OTOGL: variants seen among roughly 807,000 people sequenced by gnomAD.
The protein encoded by OTOGL is otogelin-like protein.
A neutral mutation model predicts 318.5 loss-of-function variants in OTOGL; 285 were observed. The observed-to-expected ratio is 0.89, with a 90% CI of 0.81 to 0.99. The LOEUF (loss-of-function observed/expected upper bound fraction) is 0.99, where lower values mean the gene tolerates loss of function less well. Ranked by LOEUF, OTOGL falls within the 50% of genes least tolerant of loss-of-function variation. The pLI is 0.00. For synonymous variants in OTOGL, 987 were observed against 936.5 expected (o/e 1.05, Z -0.99); for missense variants, 2,899 against 2,845.6 (o/e 1.02, Z -0.43).
intron 53 of OTOGL, 63 bp downstream of exon 53, chr12:80,366,700 T>A: frequency 1.6e-6 from 1 of 615,844 alleles, no homozygotes; most frequent in Non-Finnish European, 2.4e-6. Context: ...GTTTTTTCAC[T>A]ATTAATAAGT....
intron 8 of OTOGL, among the ~76,000 whole-genome samples, chr12:80,229,757 G>A (rs557226278): frequency 6.6e-6 from 1 of 151,836 alleles, no homozygotes; most frequent in Non-Finnish European, 1.5e-5. Flanking sequence ...CTTTGAAGCA[G>A]AAACTTAAAA....
chr12:80,124,362 A>C (rs182208614), intron 1 of OTOGL, among the ~76,000 whole-genome samples: 156 of 152,250 alleles, frequency 1.0e-3, no homozygotes, highest in African/African-American at 3.4e-3. Context: ...ATGCGGTATT[A>C]ATTCTGAGGG....
At chr12:80,188,410 C>CAT (rs1565893072) in intron 1 of OTOGL, among the ~76,000 whole-genome samples, 2 of 151,572 alleles carry the variant, frequency 1.3e-5, no homozygotes, top group African/African-American at 4.8e-5. Flanking sequence ...TGGTGGCATG[C>CAT]GCCTGTAATC....
intron 26 of OTOGL, among the ~76,000 whole-genome samples, chr12:80,296,005 G>A: frequency 6.6e-6 from 1 of 152,130 alleles, no homozygotes; most frequent in East Asian, 1.9e-4. Flanking sequence ...GATGCAGTGG[G>A]GAGTTGCCAA....
Position 80,372,040 on chromosome 12 carries a change from T to C in OTOGL, c.6757T>C (p.Tyr2253His). The C allele has an allele frequency of 6.4e-7, 1 of 1,557,376 alleles. No individual in the cohort carries two copies. Among genetic ancestry groups the C allele is most frequent in the Non-Finnish European group, 8.7e-7 (1 of 1,150,178 alleles). The change falls in exon 57 of 59, where the codon TAT becomes CAT. Residue 2253 changes from tyrosine to histidine, a missense_variant. Physicochemically the swap from Tyr to His is moderately conservative, Grantham distance 83. This residue lies in a region of OTOGL where 289 missense variants were observed against 304.6 expected (regional missense o/e 0.95). Transcript: ENST00000547103. The part of the protein sequence containing the change: ...CKMNEGIVKL[Y>H]NEGCCKICKR... Reference sequence around the variant, plus strand: ...CTAGAATGAAGGGATTGTGAAGCTTTATAATGAAGGCTGTTGCAAGATCTG... The same window carrying C: ...CTAGAATGAAGGGATTGTGAAGCTTCATAATGAAGGCTGTTGCAAGATCTG...
intron 11 of OTOGL, among the ~76,000 whole-genome samples, chr12:80,240,596 A>G (rs1880289868): frequency 6.6e-6 from 1 of 151,930 alleles, no homozygotes; most frequent in Admixed American, 6.5e-5. Flanking sequence ...AAATATAAAA[A>G]TATGAAAAAA....
chr12:80,178,601 C>T (rs1449710512), intron 1 of OTOGL, among the ~76,000 whole-genome samples: 1 of 152,170 alleles, frequency 6.6e-6, no homozygotes, highest in African/African-American at 2.4e-5. Context: ...TGCTCTCTCC[C>T]TACACAAGCA....
intron 1 of OTOGL, among the ~76,000 whole-genome samples, chr12:80,176,735 CATTT>C (rs1012572542): frequency 8.5e-5 from 13 of 152,074 alleles, no homozygotes; most frequent in African/African-American, 3.1e-4. Context: ...TAGATGCTTT[CATTT>C]CTCTTGGGTA....
At chr12:80,171,108 C>CGA (rs1281309984) in intron 1 of OTOGL, among the ~76,000 whole-genome samples, 2 of 152,110 alleles carry the variant, frequency 1.3e-5, no homozygotes, top group Admixed American at 1.3e-4. Context: ...AGAATCTCAT[C>CGA]CTGTTGCCCA....
At chr12:80,246,264 G>A (rs1880874207) in intron 11 of OTOGL, among the ~76,000 whole-genome samples, 1 of 149,222 alleles carries the variant, frequency 6.7e-6, no homozygotes, top group Admixed American at 6.6e-5. Context: ...AATGCTTCCA[G>A]TTCTTGCCCA....
At chr12:80,259,385 ATT>A (rs1882336257) in intron 18 of OTOGL, among the ~76,000 whole-genome samples, 1 of 151,732 alleles carries the variant, frequency 6.6e-6, no homozygotes, top group Non-Finnish European at 1.5e-5. Flanking sequence ...TTTATTTTAT[ATT>A]AAGTTCTAGG....
intron 30 of OTOGL, among the ~76,000 whole-genome samples, 190 bp downstream of exon 30, chr12:80,310,917 C>T (rs548011685): frequency 1.3e-5 from 2 of 152,226 alleles, no homozygotes; most frequent in South Asian, 2.1e-4. Context: ...TTACTTTCTC[C>T]CTTACTACAT....
chr12:80,313,588 G>T lies in OTOGL; in HGVS notation c.3563G>T (p.Cys1188Phe), dbSNP rs1214655003. The T allele has an allele frequency of 1.2e-6, 2 of 1,612,510 alleles. No individual in the cohort carries two copies. Among genetic ancestry groups the T allele is most frequent in the Non-Finnish European group, 1.7e-6 (2 of 1,179,122 alleles). The change falls in exon 31 of 59, where the codon TGT becomes TTT. Residue 1188 changes from cysteine to phenylalanine, a missense_variant. By Grantham distance (205) the Cys-to-Phe change is radical. Coordinates refer to ENST00000547103, the MANE Select transcript of OTOGL (RefSeq NM_001378609.3). ...ATAGCTGCATATGCATACAAGTGTT[G>T]TCAGGAAGGAATATCAATTCATTGG... ...TSIAAYAYKC[C>F]QEGISIHWRS... is the part of the protein sequence containing the mutation.
Position 80,358,898 on chromosome 12 carries a change from G to T in OTOGL, c.6265G>T (p.Val2089Leu), listed in dbSNP as rs754980634. The T allele has an allele frequency of 6.7e-7, 1 of 1,492,480 alleles. No homozygotes were observed. The highest frequency in any genetic ancestry group is 1.2e-5 in the South Asian group (1 of 82,614). The allele number at this position is 1,492,480 out of a possible 1,614,324, so 92.5% of individuals were successfully genotyped here. A position where few individuals can be genotyped will look rare whatever the true frequency, so the allele number is the denominator to read the frequency against. Residue 2089 changes from valine to leucine, a missense_variant and splice_region_variant, in exon 52 of 59, where the codon GTG becomes TTG. This residue lies in a region of OTOGL where 2,607 missense variants were observed against 2,524.9 expected (regional missense o/e 1.03). Coordinates refer to ENST00000547103, the MANE Select transcript of OTOGL (RefSeq NM_001378609.3). ...AAACCTTATTATGCCAACTTGTGAA[G>T]TGGTAAGAACACATATTTTGATTGA... The part of the protein sequence containing the change: ...CENLIMPTCE[V>L]GEFTAIDHNF...
chr12:80,229,224 C>T (rs1233143758), intron 7 of OTOGL, 33 bp from the exon 8 acceptor site: 12 of 1,584,262 alleles, frequency 7.6e-6, no homozygotes, highest in Non-Finnish European at 9.4e-6. Context: ...ATTGTTTGTT[C>T]CTATGCTTTC....
rs558662256 is a variant in OTOGL at position 80,157,839 on chromosome 12, C to T, written c.-19-51574C>T. ...TTTCTTGCTGCTCTCTGGCTTATCT[C>T]ACTCTTCTATGTTGGCTCTCAGTTC... On this transcript the variant is annotated intron_variant, in intron 1 of 58. Coordinates refer to ENST00000547103, the MANE Select transcript of OTOGL (RefSeq NM_001378609.3). Among the ~76,000 whole-genome samples the T allele has an allele frequency of 2.0e-5, 3 of 152,016 alleles. No homozygotes were observed. The East Asian group carries it at 5.8e-4, about 29-fold the overall frequency.
chr12:80,129,024 C>T (rs1174912265), intron 1 of OTOGL, among the ~76,000 whole-genome samples: 1 of 152,174 alleles, frequency 6.6e-6, no homozygotes, highest in Non-Finnish European at 1.5e-5. Flanking sequence ...TTGGCTCACG[C>T]TCGGTGCACT....
rs143817729 is a variant in OTOGL, at chr12:80,339,120, G to A, written c.4906G>A (p.Glu1636Lys). ...TGTGCCTTTGCCCTTTTCAAGTCAG[G>A]AACTGTCCATAGAGGATTCTGGTTC... ...IVVPLPFSSQ[E>K]LSIEDSGSMY... The change falls in exon 43 of 59, where the codon GAA becomes AAA. Residue 1636 changes from glutamate to lysine, a missense_variant. Physicochemically the swap from Glu to Lys is moderately conservative, Grantham distance 56. Coordinates refer to ENST00000547103, the MANE Select transcript of OTOGL (RefSeq NM_001378609.3). The A allele has an allele frequency of 2.0e-3, 3,280 of 1,611,698 alleles. 8 individuals are homozygous for A. The highest frequency in any genetic ancestry group is 2.4e-3 in the Non-Finnish European group (2,792 of 1,178,114).
rs185480261 is a variant in OTOGL, at chr12:80,373,253, G to T, written c.6781+1189G>T. 9.8e-3 allele frequency among the ~76,000 whole-genome samples: 1,490 copies of T among 152,162 alleles called. 9 individuals carry two copies. Among genetic ancestry groups the T allele is most frequent in the Non-Finnish European group, 0.017 (1,147 of 67,990 alleles). On this transcript the variant is annotated intron_variant, in intron 57 of 58. Coordinates refer to ENST00000547103, the MANE Select transcript of OTOGL (RefSeq NM_001378609.3). ...TCGAGACCATCCTGGCCAACATGGT[G>T]AAACCCCGTCTCTACTAAAAATACA...
Sources: gnomAD v4.1 joint callset for allele counts (sites outside exome capture counted in the v4.1 genomes callset) on GRCh38, gnomAD v4.1.1 for gene constraint, gnomAD v4.1.1 regional missense constraint, MANE v1.5 for transcripts, NCBI Gene and HGNC (gene_info 2026-07-23, HGNC 2026-07-21) for gene names.